TMC2: variants seen among roughly 807,000 people sequenced by gnomAD.
TMC2 encodes transmembrane channel-like protein 2.
TMC2 carries 102 observed loss-of-function variants against 105.9 expected under a neutral mutation model. The observed-to-expected ratio is 0.96, with a 90% confidence interval of 0.82 to 1.14. The LOEUF (loss-of-function observed/expected upper bound fraction) is 1.14. Ranked by LOEUF, TMC2 falls within the 50% of genes most tolerant of loss-of-function variation. The pLI is 0.00. For missense variants in TMC2, 1,093 were observed against 1,134.3 expected (o/e 0.96, Z 0.52); for synonymous variants, 402 against 422.8 (o/e 0.95, Z 0.60).
At position 2,571,523 on chromosome 20, in the gene TMC2, AAAAC is replaced by A. The variant is rs535571739; in HGVS notation, c.555-636_555-633del. On this transcript the variant is annotated intron_variant, in intron 4 of 19. Transcript: ENST00000358864. ...TAACAGATGCTGGTAAGGGTGCGGA[AAAAC>A]AAACAAACAAACAAACAAAAAACAC... 1.2e-4 allele frequency among the ~76,000 whole-genome samples: 19 copies of A among 152,254 alleles called. No homozygotes were observed. In the East Asian group the frequency reaches 2.3e-3, roughly 19 times the overall value.
In TMC2 at chr20:2,602,246, A is replaced by G. The variant is rs2086357203; in HGVS notation, c.1358A>G (p.Lys453Arg). ...GGGTACCTCATTTACTTTGTGGTTAAGCGATCTCAGCAATTCTCCAAAATG... is the reference window on the plus strand; with the variant it reads ...GGGTACCTCATTTACTTTGTGGTTAGGCGATCTCAGCAATTCTCCAAAATG... The part of the protein sequence containing the change: ...GSGYLIYFVV[K>R]RSQQFSKMQN... The change falls in exon 11 of 20, where the codon AAG becomes AGG. Residue 453 changes from lysine to arginine, a missense_variant. Physicochemically the swap from Lys to Arg is conservative, Grantham distance 26 (BLOSUM62 2). Transcript: ENST00000358864. 1.2e-6 allele frequency: 2 copies of G among 1,611,900 alleles called. No individual in the cohort carries two copies. Among genetic ancestry groups the G allele is most frequent in the Non-Finnish European group, 1.7e-6 (2 of 1,179,302 alleles).
In TMC2 at chr20:2,561,990, G is replaced by C; in HGVS notation, c.534G>C (p.Ala178=). The change falls in exon 4 of 20, where the codon GCG becomes GCC. Residue 178 remains alanine (A), a synonymous_variant. Transcript: ENST00000358864. ...TGCGGAGCAAGCCCTGGCCCATGGC[G>C]AAGAAGCTGACAGAGCTCAGGTGAG... is the stretch of plus-strand genomic sequence containing the variant. The part of the protein sequence containing the change: ...ATMRSKPWPM[A]KKLTELREAQ... 1 of 1,614,060 alleles carries C rather than the reference G, an allele frequency of 6.2e-7. No individual in the cohort carries two copies. The highest frequency in any genetic ancestry group is 8.5e-7 in the Non-Finnish European group (1 of 1,179,958).
chr20:2,605,549 C>T (rs1046750900), intron 11 of TMC2, among the ~76,000 whole-genome samples: 2 of 152,196 alleles, frequency 1.3e-5, no homozygotes, highest in African/African-American at 2.4e-5. Flanking sequence ...TTAGGTCCCA[C>T]CCTTGTGACC....
In TMC2 at chr20:2,558,659, G is replaced by A; in HGVS notation, c.286G>A (p.Glu96Lys). ...QERGEAERTC[E>K]GRRKRDERAS... ...GCGGGGCGAGGCAGAGAGGACCTGCGAGGGCAGGAGAAAGCGCGACGAGAG... is the reference window on the plus strand; with the variant it reads ...GCGGGGCGAGGCAGAGAGGACCTGCAAGGGCAGGAGAAAGCGCGACGAGAG... Residue 96 changes from glutamate (E) to lysine (K), a missense_variant, in exon 3 of 20, where the codon GAG becomes AAG. By Grantham distance (56) the Glu-to-Lys change is moderately conservative. Transcript: ENST00000358864. The surrounding 1 kb of genome is among the most constrained non-coding windows in gnomAD (Gnocchi z 4.6). 6.3e-7 allele frequency: 1 copy of A among 1,587,726 alleles called. No individual in the cohort carries two copies. The highest frequency in any genetic ancestry group is 8.6e-7 in the Non-Finnish European group (1 of 1,167,032).
intron 17 of TMC2, among the ~76,000 whole-genome samples, chr20:2,630,788 A>C (rs1646888182): frequency 6.6e-6 from 1 of 152,232 alleles, no homozygotes; most frequent in Admixed American, 6.5e-5. Flanking sequence ...GTACCACTGC[A>C]TTCCACCCTG....
Position 2,558,849 on chromosome 20 carries a change from G to A in TMC2, c.401+75G>A, listed in dbSNP as rs1047764413. On this transcript the variant is annotated intron_variant, in intron 3 of 19. Coordinates refer to ENST00000358864, the MANE Select transcript of TMC2 (RefSeq NM_080751.3). This position sits in a 1 kb window ranked among gnomAD's most constrained non-coding sequence, Gnocchi z 4.6. ...TTCGCGGCCCTTCCCCTTCCCCCGT[G>A]AGGGACTGATGCCCCCCTCCCCGGG... is the stretch of plus-strand genomic sequence containing the variant. The A allele has an allele frequency of 2.8e-6, 4 of 1,413,840 alleles. No homozygotes were observed. Among genetic ancestry groups the A allele is most frequent in the Non-Finnish European group, 3.8e-6 (4 of 1,063,064 alleles). The allele number at this position is 1,413,840 out of a possible 1,614,324, so 87.6% of individuals were successfully genotyped here. A position where few individuals can be genotyped will look rare whatever the true frequency, so the allele number is the denominator to read the frequency against.
At position 2,594,827 on chromosome 20, in the gene TMC2, C is replaced by A. The variant is rs1184975713; in HGVS notation, c.936C>A (p.Gly312=). ...MDFSVLWDFE[G]YIKYSALFYG... is the part of the protein sequence containing the mutation. Reference sequence around the variant, plus strand: ...CATTTGGCTTTGCTGTCCCCCAGGGCTATATCAAGTACTCTGCACTCTTCT... The same window carrying A: ...CATTTGGCTTTGCTGTCCCCCAGGGATATATCAAGTACTCTGCACTCTTCT... Residue 312 remains glycine, a splice_region_variant and synonymous_variant, in exon 9 of 20, where the codon GGC becomes GGA. Transcript: ENST00000358864. The A allele has an allele frequency of 1.9e-6, 3 of 1,613,992 alleles. No homozygotes were observed. Among genetic ancestry groups the A allele is most frequent in the Non-Finnish European group, 1.7e-6 (2 of 1,179,912 alleles).
At chr20:2,548,382 T>C (rs1405997505) in intron 2 of TMC2, among the ~76,000 whole-genome samples, 1 of 152,244 alleles carries the variant, frequency 6.6e-6, no homozygotes, top group Non-Finnish European at 1.5e-5. Context: ...CTCATGCCTC[T>C]AATCCCAGCA....
At chr20:2,613,100 G>A (rs975418717) in intron 13 of TMC2, 94 bp from the exon 14 acceptor site, 17 of 1,483,478 alleles carry the variant, frequency 1.1e-5, no homozygotes, top group African/African-American at 8.4e-5. Flanking sequence ...AGGTGGGTGG[G>A]GGAGAGTTTA....
chr20:2,592,298 T>G lies in TMC2; in HGVS notation c.835-12T>G. 1 of 1,584,230 alleles carries G rather than the reference T, an allele frequency of 6.3e-7. No individual in the cohort carries two copies. Among genetic ancestry groups the G allele is most frequent in the Non-Finnish European group, 8.7e-7 (1 of 1,153,128 alleles). ...CTCCACTCATACTTGTGTCATTGTGTTTCTGCACAAGGTACTGATGGGCAT... is the reference window on the plus strand; with the variant it reads ...CTCCACTCATACTTGTGTCATTGTGGTTCTGCACAAGGTACTGATGGGCAT... On this transcript the variant is annotated splice_polypyrimidine_tract_variant and intron_variant, in intron 7 of 19. Transcript: ENST00000358864. This position sits in a 1 kb window ranked among gnomAD's most constrained non-coding sequence, Gnocchi z 4.9.
intron 10 of TMC2, among the ~76,000 whole-genome samples, chr20:2,598,963 C>T (rs1388961593): frequency 6.6e-6 from 1 of 152,048 alleles, no homozygotes; most frequent in Non-Finnish European, 1.5e-5. Flanking sequence ...GCAGAAAAAC[C>T]CTTCTGAGGG....
At chr20:2,597,665 T>A (rs1422447174) in intron 10 of TMC2, among the ~76,000 whole-genome samples, 1 of 151,812 alleles carries the variant, frequency 6.6e-6, no homozygotes, top group Non-Finnish European at 1.5e-5. Context: ...TTTTTTTTTT[T>A]TTTTGTATTT....
chr20:2,543,190 TC>T (rs751730332), intron 2 of TMC2, among the ~76,000 whole-genome samples: 267 of 152,108 alleles, frequency 1.8e-3, no homozygotes, highest in Non-Finnish European at 2.7e-3. Context: ...TGAGCCAAGA[TC>T]TTACCACTGC....
At chr20:2,575,392 C>CA (rs2086136771) in intron 5 of TMC2, among the ~76,000 whole-genome samples, 1 of 152,090 alleles carries the variant, frequency 6.6e-6, no homozygotes, top group African/African-American at 2.4e-5. Flanking sequence ...AACTCACACT[C>CA]AAAGGAACAA....
In TMC2 at chr20:2,610,521, C is replaced by T; in HGVS notation, c.1516C>T (p.Leu506=). 2 of 1,613,838 alleles carry T rather than the reference C, an allele frequency of 1.2e-6. No individual in the cohort carries two copies. ...CCCACGCACTGGACTGAAGTGGCAG[C>T]TGGGACGCATCTTTGCACTCTTCCT... ...YHPRTGLKWQ[L]GRIFALFLGN... The change falls in exon 12 of 20, where the codon CTG becomes TTG. Residue 506 remains leucine, a synonymous_variant. Transcript: ENST00000358864.
rs60313814 is a variant in TMC2 at position 2,640,751 on chromosome 20, A to G, written c.2504-383A>G. ...GGAGGGGAAGGAAACAAGTTAATGAAGGATTGGAAAGTAGATCTGATTCCA... is the reference window on the plus strand; with the variant it reads ...GGAGGGGAAGGAAACAAGTTAATGAGGGATTGGAAAGTAGATCTGATTCCA... On this transcript the variant is annotated intron_variant, in intron 19 of 19. Coordinates refer to ENST00000358864, the MANE Select transcript of TMC2 (RefSeq NM_080751.3). Among the ~76,000 whole-genome samples, 1,456 of 152,300 alleles carry G rather than the reference A, an allele frequency of 9.6e-3. 25 individuals are homozygous for G. Among genetic ancestry groups the G allele is most frequent in the African/African-American group, 0.033 (1,377 of 41,552 alleles).
intron 13 of TMC2, among the ~76,000 whole-genome samples, chr20:2,612,645 G>A (rs1395918461): frequency 6.6e-6 from 1 of 151,954 alleles, no homozygotes; most frequent in African/African-American, 2.4e-5. Flanking sequence ...TCAGTTTTTG[G>A]TCCTTCTTCT....
chr20:2,563,862 G>C (rs1173342049), intron 4 of TMC2, among the ~76,000 whole-genome samples: 1 of 152,078 alleles, frequency 6.6e-6, no homozygotes, highest in East Asian at 1.9e-4. Context: ...CAGTGGCTGG[G>C]ACTACAGGCA....
chr20:2,566,000 T>C (rs1172353331), intron 4 of TMC2, among the ~76,000 whole-genome samples: 5 of 152,110 alleles, frequency 3.3e-5, no homozygotes, highest in Non-Finnish European at 5.9e-5. Flanking sequence ...ATCATGCCGC[T>C]GCACTCCAGC....
Sources: allele counts gnomAD v4.1 joint callset (sites outside exome capture counted in the v4.1 genomes callset), GRCh38; gene constraint gnomAD v4.1.1; non-coding constraint Gnocchi (gnomAD v3.1); transcripts MANE v1.5; gene names NCBI Gene and HGNC (gene_info 2026-07-23, HGNC 2026-07-21).